TMEM65: variants seen among roughly 807,000 people sequenced by gnomAD.
The protein encoded by TMEM65 is transmembrane protein 65.
Under a neutral mutation model 25.4 loss-of-function variants are expected in TMEM65, and 22 were observed. The ratio of observed to expected loss-of-function variants is 0.86; its 90% confidence interval spans 0.62 to 1.23. The LOEUF is 1.23. Ranked by LOEUF, TMEM65 falls within the 50% of genes most tolerant of loss-of-function variation. The pLI is 0.00. For synonymous variants in TMEM65, 132 were observed against 126.2 expected, an observed-to-expected ratio of 1.05 and a Z score of -0.31; for missense variants, 262 against 308.2, an observed-to-expected ratio of 0.85 and a Z score of 1.12.
chr8:124,323,229 T>A lies in TMEM65; in HGVS notation c.472+92A>T, dbSNP rs543971806. 42 of 690,462 alleles carry A rather than the reference T, an allele frequency of 6.1e-5. No homozygotes were observed. In the African/African-American group the frequency reaches 7.2e-4, roughly 12 times the overall value. The allele number at this position is 690,462 out of a possible 1,614,324, so 42.8% of individuals were successfully genotyped here. On this transcript the variant is annotated intron_variant, in intron 4 of 6. Transcript: ENST00000297632. ...TTAACAGATATCTCAATGAGTAAAC[T>A]CATTCAAATAAATTACCCTCCTCTA...
At chr8:124,339,222 AATATATATATATATATAT>A (rs1209068044) in intron 1 of TMEM65, among the ~76,000 whole-genome samples, 325 of 19,908 alleles carry the variant, frequency 0.016, 12 homozygotes, top group South Asian at 0.085. Context: ...AAAAAAAAAA[AATATATATATATATATAT>A]ATATATATAA....
At chr8:124,319,954 C>A in intron 6 of TMEM65, 132 bp downstream of exon 6, 1 of 568,168 alleles carries the variant, frequency 1.8e-6, no homozygotes, top group Non-Finnish European at 3.1e-6. Context: ...TGAAAACTGC[C>A]AACGTCTAGA....
intron 6 of TMEM65, among the ~76,000 whole-genome samples, chr8:124,314,943 T>C (rs2131191888): frequency 6.6e-6 from 1 of 152,232 alleles, no homozygotes; most frequent in African/African-American, 2.4e-5. Context: ...CCAAATGAGA[T>C]TACAGGCTCT....
chr8:124,331,912 T>C (rs1457746260), intron 1 of TMEM65, among the ~76,000 whole-genome samples: 1 of 152,110 alleles, frequency 6.6e-6, no homozygotes, highest in Non-Finnish European at 1.5e-5. Flanking sequence ...AAAGGAAATA[T>C]GGTCCACATT....
At position 124,315,408 on chromosome 8, in the gene TMEM65, G is replaced by A. The variant is rs551758555; in HGVS notation, c.622-1347C>T. On this transcript the variant is annotated intron_variant, in intron 6 of 6. Coordinates refer to ENST00000297632, the MANE Select transcript of TMEM65 (RefSeq NM_194291.3). ...GTAATCTCGACTCACTGCAAGCTCC[G>A]TCTCCTGGGTTCATGCCATTCTCCT... 8.6e-5 allele frequency among the ~76,000 whole-genome samples: 13 copies of A among 151,444 alleles called. No individual in the cohort carries two copies. In the South Asian group the frequency reaches 1.5e-3, roughly 17 times the overall value.
At chr8:124,370,435 T>G (rs558363482) in intron 1 of TMEM65, among the ~76,000 whole-genome samples, 1 of 152,336 alleles carries the variant, frequency 6.6e-6, no homozygotes, top group African/African-American at 2.4e-5. Flanking sequence ...TTTTCAGAAT[T>G]GACTATTTTT....
At chr8:124,362,821 T>TAGTATTAAGA (rs1814889230) in intron 1 of TMEM65, among the ~76,000 whole-genome samples, 1 of 152,082 alleles carries the variant, frequency 6.6e-6, no homozygotes, top group Non-Finnish European at 1.5e-5. Flanking sequence ...GAATTTTGTG[T>TAGTATTAAGA]AGTATTAAGA....
intron 1 of TMEM65, among the ~76,000 whole-genome samples, chr8:124,353,560 C>T (rs1814739764): frequency 6.6e-6 from 1 of 151,718 alleles, no homozygotes; most frequent in Non-Finnish European, 1.5e-5. Context: ...ACACCTAACA[C>T]CCAGATCTTG....
At chr8:124,343,743 C>T (rs977387398) in intron 1 of TMEM65, among the ~76,000 whole-genome samples, 2 of 152,146 alleles carry the variant, frequency 1.3e-5, no homozygotes, top group Middle Eastern at 3.2e-3. Flanking sequence ...CACTATGAAA[C>T]CTGTGCCTCT....
At chr8:124,318,727 C>T (rs1814270393) in intron 6 of TMEM65, among the ~76,000 whole-genome samples, 1 of 152,060 alleles carries the variant, frequency 6.6e-6, no homozygotes, top group Admixed American at 6.5e-5. Flanking sequence ...TGAGTGTTTG[C>T]ATTTCTAAGA....
intron 2 of TMEM65, among the ~76,000 whole-genome samples, chr8:124,330,277 C>G (rs1022709236): frequency 1.3e-5 from 2 of 151,778 alleles, no homozygotes; most frequent in African/African-American, 4.8e-5. Context: ...AAAGAAAGAA[C>G]ACTAGCAGCA....
Position 124,318,378 on chromosome 8 carries a change from T to G in TMEM65, c.621+1708A>C, listed in dbSNP as rs1454770763. Among the ~76,000 whole-genome samples the G allele has an allele frequency of 3.9e-5, 5 of 126,864 alleles. No homozygotes were observed. The South Asian group carries it at 8.7e-4, about 22-fold the overall frequency. 83.2% of individuals were successfully genotyped at this position (126,864 alleles called of 152,430 possible). A position where few individuals can be genotyped will look rare whatever the true frequency, so the allele number is the denominator to read the frequency against. ...GAATTTGCATGTTTTTGTTTTTTTT[T>G]TTTTTTTTTTTTTTGAGATGGAGTC... is the stretch of plus-strand genomic sequence containing the variant. On this transcript the variant is annotated intron_variant, in intron 6 of 6. Coordinates refer to ENST00000297632, the MANE Select transcript of TMEM65 (RefSeq NM_194291.3).
chr8:124,322,991 T>C (rs1035504432), intron 4 of TMEM65, among the ~76,000 whole-genome samples: 1 of 149,338 alleles, frequency 6.7e-6, no homozygotes, highest in Non-Finnish European at 1.5e-5. Context: ...TGAGACCCCG[T>C]CTCTAAATAA....
rs1394626908 is a variant in TMEM65 at position 124,307,359 on chromosome 8, T to A, written c.*6601A>T. 2 of 152,136 alleles carry A rather than the reference T, an allele frequency of 1.3e-5. No homozygotes were observed. The highest frequency in any genetic ancestry group is 2.4e-5 in the African/African-American group (1 of 41,422). The allele number at this position is 152,136 out of a possible 1,614,324, so 9.4% of individuals were successfully genotyped here. ...CTCCCAAGGAGCAAAGTCATGACAT[T>A]ACAAGAAAAAGTTAAATTGCTTGAT... On this transcript the variant is annotated 3_prime_UTR_variant, in exon 7 of 7. Transcript: ENST00000297632.
At chr8:124,363,177 T>G (rs1005498535) in intron 1 of TMEM65, among the ~76,000 whole-genome samples, 2 of 152,166 alleles carry the variant, frequency 1.3e-5, no homozygotes, top group Non-Finnish European at 2.9e-5. Flanking sequence ...AGAGGGTCCT[T>G]GCAGCATCCA....
chr8:124,361,083 T>A (rs1280916640), intron 1 of TMEM65, among the ~76,000 whole-genome samples: 1 of 152,220 alleles, frequency 6.6e-6, no homozygotes, highest in African/African-American at 2.4e-5. Flanking sequence ...CAAATACTGA[T>A]ACAAAACAGT....
chr8:124,320,202 A>T lies in TMEM65; in HGVS notation c.516-11T>A. The stretch of plus-strand genomic sequence containing the variant: ...ACGTAGCCTGCAAGTCTTTGAAGAA[A>T]CAAGACAATATGATATATAGGTTAT... On this transcript the variant is annotated splice_polypyrimidine_tract_variant and intron_variant, in intron 5 of 6. Coordinates refer to ENST00000297632, the MANE Select transcript of TMEM65 (RefSeq NM_194291.3). 6.2e-7 allele frequency: 1 copy of T among 1,600,098 alleles called. No homozygotes were observed.
intron 1 of TMEM65, among the ~76,000 whole-genome samples, chr8:124,357,472 GA>G (rs1814797286): frequency 6.6e-6 from 1 of 152,118 alleles, no homozygotes; most frequent in African/African-American, 2.4e-5. Context: ...AAAGGTTAGA[GA>G]TTTATGAGTT....
intron 4 of TMEM65, among the ~76,000 whole-genome samples, chr8:124,322,359 G>GT (rs1002537088): frequency 1.2e-4 from 18 of 151,906 alleles, no homozygotes; most frequent in Non-Finnish European, 2.1e-4. Flanking sequence ...TAAGTAGTAG[G>GT]TTTTTTTGTT....
Sources: allele counts gnomAD v4.1 joint callset (sites outside exome capture counted in the v4.1 genomes callset), GRCh38; gene constraint gnomAD v4.1.1; transcripts MANE v1.5; gene names NCBI Gene and HGNC (gene_info 2026-07-23, HGNC 2026-07-21).